The following GRM8 variants were observed in gnomAD, a reference collection of about 807,000 sequenced individuals.
GRM8 encodes glutamate metabotropic receptor 8.
GRM8 carries 47 observed loss-of-function variants against 87.2 expected under a neutral mutation model. The ratio of observed to expected loss-of-function variants is 0.54; its 90% CI spans 0.43 to 0.69. The LOEUF is 0.69. Among genes scored for constraint, GRM8 ranks in the 30% least tolerant of loss-of-function variants. The probability of loss-of-function intolerance (pLI) is 0.00; values close to 1 mark genes in which losing one functional copy is unlikely to be tolerated. For missense variants in GRM8, 1,019 were observed against 1,139.2 expected (o/e 0.89, Z 1.52); for synonymous variants, 396 against 404.5 (o/e 0.98, Z 0.25).
At chr7:126,454,114 ATTAGT>A (rs762090837) in intron 9 of GRM8, among the ~76,000 whole-genome samples, 2 of 151,766 alleles carry the variant, frequency 1.3e-5, no homozygotes, top group Non-Finnish European at 2.9e-5. Context: ...AAAAGTATAA[ATTAGT>A]TTAGAAAGAA....
rs1253340878 is a variant in GRM8 at position 126,685,587 on chromosome 7, G to A, written c.1358-76089C>T. ...GCTCTGATCTTGGAGTAAGGTTGGG[G>A]CCAAGCCTGAGCACTGTTGCAGTTT... On this transcript the variant is annotated intron_variant, in intron 7 of 10. Transcript: ENST00000339582. This position sits in a 1 kb window ranked among gnomAD's most constrained non-coding sequence, Gnocchi z 4.2. Among the ~76,000 whole-genome samples, 1 of 152,122 alleles carries A rather than the reference G, an allele frequency of 6.6e-6. No homozygotes were observed. The highest frequency in any genetic ancestry group is 1.5e-5 in the Non-Finnish European group (1 of 68,004).
chr7:126,854,017 CA>C (rs1797460522), intron 6 of GRM8, among the ~76,000 whole-genome samples: 1 of 152,094 alleles, frequency 6.6e-6, no homozygotes, highest in Non-Finnish European at 1.5e-5. Context: ...GGTATGTGAA[CA>C]TCAGGGTAGG....
At chr7:127,199,182 C>G (rs1407047601) in intron 2 of GRM8, among the ~76,000 whole-genome samples, 1 of 151,012 alleles carries the variant, frequency 6.6e-6, no homozygotes, top group Non-Finnish European at 1.5e-5. Flanking sequence ...TATGTTGCCC[C>G]CAGGCTGACC....
intron 3 of GRM8, among the ~76,000 whole-genome samples, chr7:127,007,961 TCC>T (rs1209043539): frequency 2.0e-5 from 3 of 151,994 alleles, no homozygotes; most frequent in Admixed American, 6.6e-5. Context: ...ATTTACCAGA[TCC>T]TCTTAAAATT....
At chr7:126,848,710 A>G (rs1796934976) in intron 6 of GRM8, among the ~76,000 whole-genome samples, 1 of 152,068 alleles carries the variant, frequency 6.6e-6, no homozygotes, top group Non-Finnish European at 1.5e-5. Flanking sequence ...AGTCCCAGCT[A>G]TATGGGAAGC....
At chr7:126,655,404 T>C (rs1469944009) in intron 7 of GRM8, among the ~76,000 whole-genome samples, 1 of 152,172 alleles carries the variant, frequency 6.6e-6, no homozygotes, top group Non-Finnish European at 1.5e-5. Context: ...CACCTAAATC[T>C]CATCTCGAAT....
intron 7 of GRM8, among the ~76,000 whole-genome samples, chr7:126,690,015 T>C (rs989320321): frequency 1.3e-5 from 2 of 152,196 alleles, no homozygotes; most frequent in Non-Finnish European, 2.9e-5. Context: ...AAACTGTGTG[T>C]AAATAAAGTA....
At chr7:126,541,098 A>T (rs1816483231) in intron 8 of GRM8, among the ~76,000 whole-genome samples, 1 of 152,178 alleles carries the variant, frequency 6.6e-6, no homozygotes, top group Non-Finnish European at 1.5e-5. Context: ...TGCCCTCCAG[A>T]CACAACGTAG....
At chr7:127,105,594 A>C (rs1211535019) in intron 3 of GRM8, among the ~76,000 whole-genome samples, 1 of 152,142 alleles carries the variant, frequency 6.6e-6, no homozygotes, top group Non-Finnish European at 1.5e-5. Flanking sequence ...AAAAACAATA[A>C]ATTTATCAAC....
intron 9 of GRM8, among the ~76,000 whole-genome samples, chr7:126,450,930 T>C (rs1426422233): frequency 6.6e-6 from 1 of 151,832 alleles, no homozygotes; most frequent in Non-Finnish European, 1.5e-5. Context: ...AATTACACCC[T>C]TAAACCAAGA....
At chr7:127,187,329 T>C (rs888315842) in intron 2 of GRM8, among the ~76,000 whole-genome samples, 1 of 152,168 alleles carries the variant, frequency 6.6e-6, no homozygotes, top group Non-Finnish European at 1.5e-5. Flanking sequence ...GTATATGCTT[T>C]TTATCCCCAG....
At chr7:126,712,148 A>G (rs1308812323) in intron 7 of GRM8, among the ~76,000 whole-genome samples, 1 of 152,150 alleles carries the variant, frequency 6.6e-6, no homozygotes, top group Non-Finnish European at 1.5e-5. Context: ...CTTCCTTTCA[A>G]TTGAACACTT....
chr7:126,959,259 G>A (rs961158957), intron 3 of GRM8, among the ~76,000 whole-genome samples: 10 of 152,164 alleles, frequency 6.6e-5, no homozygotes, highest in Non-Finnish European at 1.5e-5. Flanking sequence ...GCAGAGAGTA[G>A]TGCCCAATGC....
chr7:126,536,463 C>T (rs1815738453), intron 8 of GRM8, among the ~76,000 whole-genome samples: 2 of 152,114 alleles, frequency 1.3e-5, no homozygotes, highest in African/African-American at 4.8e-5. Context: ...TGTCATATGT[C>T]ATCAGGGCAT....
rs1040062225 is a variant in GRM8, at chr7:126,761,225, A to AT, written c.1357+8639dup. On this transcript the variant is annotated intron_variant, in intron 7 of 10. Transcript: ENST00000339582. ...AAAAAATTAAAAAAAAAAAAAGTAGATGAAATAGAAAGTAGTGTCAAGTTG... is the reference window on the plus strand; with the variant it reads ...AAAAAATTAAAAAAAAAAAAAGTAGATTGAAATAGAAAGTAGTGTCAAGTTG... 1.5e-3 allele frequency among the ~76,000 whole-genome samples: 222 copies of AT among 145,468 alleles called. 1 individual carries two copies. The highest frequency in any genetic ancestry group is 5.3e-3 in the African/African-American group (216 of 40,850).
intron 6 of GRM8, among the ~76,000 whole-genome samples, chr7:126,802,770 T>C (rs1215164121): frequency 6.6e-6 from 1 of 152,114 alleles, no homozygotes; most frequent in African/African-American, 2.4e-5. Flanking sequence ...TGCCACAAAC[T>C]GGAATAAAAC....
rs796720303 is a variant in GRM8, at chr7:126,523,128, T to C, written c.2430+9824A>G. On this transcript the variant is annotated intron_variant, in intron 9 of 10. Coordinates refer to ENST00000339582, the MANE Select transcript of GRM8 (RefSeq NM_000845.3). ...GTCAACCAAAGATTTTGAGTCATTT[T>C]ACAAATTCAAAATCATTCATCCATT... 6.6e-5 allele frequency among the ~76,000 whole-genome samples: 10 copies of C among 152,342 alleles called. 1 individual carries two copies. The highest frequency in any genetic ancestry group is 2.2e-4 in the African/African-American group (9 of 41,588).
intron 2 of GRM8, among the ~76,000 whole-genome samples, chr7:127,111,943 A>T (rs1229767431): frequency 1.3e-5 from 2 of 151,908 alleles, no homozygotes; most frequent in Non-Finnish European, 2.9e-5. Context: ...CAAGAGAATC[A>T]CTTGAACCCG....
chr7:126,976,201 T>C (rs546944846), intron 3 of GRM8, among the ~76,000 whole-genome samples: 7 of 152,324 alleles, frequency 4.6e-5, no homozygotes, highest in African/African-American at 1.2e-4. Flanking sequence ...CTGGTCCATA[T>C]TGAATTCCTT....
Sources: gnomAD v4.1 joint callset for allele counts (sites outside exome capture counted in the v4.1 genomes callset) on GRCh38, gnomAD v4.1.1 for gene constraint, Gnocchi (gnomAD v3.1) non-coding constraint, MANE v1.5 for transcripts, NCBI Gene and HGNC (gene_info 2026-07-23, HGNC 2026-07-21) for gene names.